The following ICAM5 variants were observed in gnomAD, a reference collection of about 807,000 sequenced individuals.
ICAM5 encodes intercellular adhesion molecule 5, also known as ICAM-5.
Under a neutral mutation model 78.8 loss-of-function variants are expected in ICAM5, and 38 were observed. The observed-to-expected ratio is 0.48, with a 90% confidence interval of 0.37 to 0.63. The LOEUF (loss-of-function observed/expected upper bound fraction) is 0.63, where lower values mean the gene tolerates loss of function less well. Ranked by LOEUF, ICAM5 falls within the 30% of genes least tolerant of loss-of-function variation. The pLI, the probability that ICAM5 is intolerant of heterozygous loss-of-function variation, is 0.00. For synonymous variants in ICAM5, 544 were observed against 590.9 expected, an observed-to-expected ratio of 0.92 and a Z score of 1.15; for missense variants, 1,059 against 1,303.0, an observed-to-expected ratio of 0.81 and a Z score of 2.88.
chr19:10,296,227 C>G, intron 10 of ICAM5, 112 bp from the exon 11 acceptor site: 2 of 1,069,972 alleles, frequency 1.9e-6, no homozygotes, highest in Non-Finnish European at 1.2e-6. Context: ...CAAGGCCAGA[C>G]AGTGAGCTCC....
In ICAM5 at chr19:10,292,985, G is replaced by A. The variant is rs765871959; in HGVS notation, c.1217-13G>A. 7.4e-6 allele frequency: 12 copies of A among 1,610,834 alleles called. No homozygotes were observed. In the African/African-American group the frequency reaches 1.6e-4, roughly 22 times the overall value. ...TACGTCTAAGCCTCTGTAACCCCAC[G>A]CCCTGCCCGCAGACGCTCCCCGGCT... is the stretch of plus-strand genomic sequence containing the variant. On this transcript the variant is annotated splice_polypyrimidine_tract_variant and intron_variant, in intron 5 of 10. Coordinates refer to ENST00000221980, the MANE Select transcript of ICAM5 (RefSeq NM_003259.4).
At position 10,289,960 on chromosome 19, in the gene ICAM5, C is replaced by T; in HGVS notation, c.-84C>T. On this transcript the variant is annotated 5_prime_UTR_variant, in exon 1 of 11. Transcript: ENST00000221980. ...GCAACTCTGCCTCCCCCACACCCCACCCGCCGCGCCGCGCGGAGCCGTCCT... is the reference window on the plus strand; with the variant it reads ...GCAACTCTGCCTCCCCCACACCCCATCCGCCGCGCCGCGCGGAGCCGTCCT... The T allele has an allele frequency of 8.6e-7, 1 of 1,158,324 alleles. No individual in the cohort carries two copies. Among genetic ancestry groups the T allele is most frequent in the Non-Finnish European group, 1.2e-6 (1 of 837,152 alleles). The allele number at this position is 1,158,324 out of a possible 1,614,324, so 71.8% of individuals were successfully genotyped here.
In ICAM5 at chr19:10,290,146, CG is replaced by C; in HGVS notation, c.82+25del. The C allele has an allele frequency of 6.7e-7, 1 of 1,489,166 alleles. No homozygotes were observed. The highest frequency in any genetic ancestry group is 9.0e-7 in the Non-Finnish European group (1 of 1,113,586). 92.2% of individuals were successfully genotyped at this position (1,489,166 alleles called of 1,614,324 possible). The stretch of plus-strand genomic sequence containing the variant: ...CTCAGGTAAGAGCCCCGCTCTGGTT[CG>C]GGGTGGACAGGGCGGGGGCGGAGTC... On this transcript the variant is annotated intron_variant, in intron 1 of 10. Coordinates refer to ENST00000221980, the MANE Select transcript of ICAM5 (RefSeq NM_003259.4). The surrounding 1 kb of genome is among the most constrained non-coding windows in gnomAD (Gnocchi z 5.7).
chr19:10,290,058 G>A lies in ICAM5; in HGVS notation c.15G>A (p.Ser5=). The A allele has an allele frequency of 4.5e-6, 7 of 1,541,714 alleles. No homozygotes were observed. Among genetic ancestry groups the A allele is most frequent in the Non-Finnish European group, 3.5e-6 (4 of 1,145,088 alleles). MPGP[S]PGLRRALLGL... is the part of the protein sequence containing the mutation. ...CCGCCGCGGCGATGCCAGGGCCTTC[G>A]CCAGGGCTGCGCCGGGCGCTACTCG... The change falls in exon 1 of 11, where the codon TCG becomes TCA. Residue 5 remains serine (S), a synonymous_variant. Transcript: ENST00000221980. This position sits in a 1 kb window ranked among gnomAD's most constrained non-coding sequence, Gnocchi z 5.7.
In ICAM5 at chr19:10,293,171, C is replaced by T; in HGVS notation, c.1390C>T (p.Leu464Phe). ...CCTGCTGGGTCCAGTCACTCGGGCG[C>T]TCTCAGGCACTTACCGCTGCAAGGC... ...LGLLGPVTRA[L>F]SGTYRCKAAN... The change falls in exon 6 of 11, where the codon CTC becomes TTC. Residue 464 changes from leucine to phenylalanine, a missense_variant. Coordinates refer to ENST00000221980, the MANE Select transcript of ICAM5 (RefSeq NM_003259.4). This position sits in a 1 kb window ranked among gnomAD's most constrained non-coding sequence, Gnocchi z 5.0. 6.2e-7 allele frequency: 1 copy of T among 1,611,232 alleles called. No homozygotes were observed. The highest frequency in any genetic ancestry group is 8.5e-7 in the Non-Finnish European group (1 of 1,179,038).
In ICAM5 at chr19:10,294,477, C is replaced by T. The variant is rs571210197; in HGVS notation, c.2067C>T (p.Ala689=). The T allele has an allele frequency of 1.4e-5, 22 of 1,607,796 alleles. No homozygotes were observed. The African/African-American group carries it at 2.0e-4, about 15-fold the overall frequency. Residue 689 remains alanine (A), a synonymous_variant, in exon 9 of 11, where the codon GCC becomes GCT. Coordinates refer to ENST00000221980, the MANE Select transcript of ICAM5 (RefSeq NM_003259.4). This position sits in a 1 kb window ranked among gnomAD's most constrained non-coding sequence, Gnocchi z 7.7. Reference sequence around the variant, plus strand: ...AAGGGGCTGAGGCTTCCGCGCTGGCCTGCGCCGCCCGGGGTCGCCCTTCCC... The same window carrying T: ...AAGGGGCTGAGGCTTCCGCGCTGGCTTGCGCCGCCCGGGGTCGCCCTTCCC... ...WLEGAEASAL[A]CAARGRPSPG...
chr19:10,294,050 G>A lies in ICAM5; in HGVS notation c.1722G>A (p.Arg574=). ...AATCCTGTTTCCCAGATGGCCCCAG[G>A]TTTGAGGAGCCGAGCTGCCCCAGCA... ...NVAVTVEYGP[R]FEEPSCPSNW... is the part of the protein sequence containing the mutation. The change falls in exon 8 of 11, where the codon AGG becomes AGA. Residue 574 remains arginine, a synonymous_variant. Coordinates refer to ENST00000221980, the MANE Select transcript of ICAM5 (RefSeq NM_003259.4). The surrounding 1 kb of genome is among the most constrained non-coding windows in gnomAD (Gnocchi z 7.7). 6.3e-7 allele frequency: 1 copy of A among 1,581,558 alleles called. No homozygotes were observed. The highest frequency in any genetic ancestry group is 8.6e-7 in the Non-Finnish European group (1 of 1,162,028).
rs1180106929 is a variant in ICAM5, at chr19:10,294,544, C to G, written c.2134C>G (p.Gln712Glu). ...CSREGIPWPE[Q>E]QRVSREDAGT... ...TCGGGAAGGCATCCCATGGCCTGAG[C>G]AGCAGCGCGTGTCCCGAGAGGACGC... The change falls in exon 9 of 11, where the codon CAG becomes GAG. Residue 712 changes from glutamine to glutamate, a missense_variant. Around this residue, in one of 3 missense-constraint regions of ICAM5, gnomAD observed 135 missense variants for 230.2 expected, o/e 0.59. Coordinates refer to ENST00000221980, the MANE Select transcript of ICAM5 (RefSeq NM_003259.4). This position sits in a 1 kb window ranked among gnomAD's most constrained non-coding sequence, Gnocchi z 7.7. 5.6e-6 allele frequency: 9 copies of G among 1,612,200 alleles called. No homozygotes were observed. The highest frequency in any genetic ancestry group is 5.9e-6 in the Non-Finnish European group (7 of 1,179,274).
chr19:10,296,293 GC>G, intron 10 of ICAM5, 45 bp from the exon 11 acceptor site: 4 of 1,223,798 alleles, frequency 3.3e-6, no homozygotes, highest in Middle Eastern at 3.2e-4. Context: ...GGTGGGAGAA[GC>G]CCCCCGGAGC....
Position 10,290,690 on chromosome 19 carries a change from C to T in ICAM5, c.83-382C>T, listed in dbSNP as rs772104660. ...TGCCGCAAACGCACTCTCCTCGTAT[C>T]CCGGCATTCTGCCAGGACCCTGAGA... On this transcript the variant is annotated intron_variant, in intron 1 of 10. Coordinates refer to ENST00000221980, the MANE Select transcript of ICAM5 (RefSeq NM_003259.4). The surrounding 1 kb of genome is among the most constrained non-coding windows in gnomAD (Gnocchi z 5.7). The T allele has an allele frequency of 4.9e-4, 152 of 308,956 alleles. No individual in the cohort carries two copies. Among genetic ancestry groups the T allele is most frequent in the Admixed American group, 9.2e-4 (20 of 21,622 alleles). 19.1% of individuals were successfully genotyped at this position (308,956 alleles called of 1,614,324 possible). A position where few individuals can be genotyped will look rare whatever the true frequency, so the allele number is the denominator to read the frequency against.
At chr19:10,291,947 A>G in intron 3 of ICAM5, 88 bp from the exon 4 acceptor site, 1 of 1,504,960 alleles carries the variant, frequency 6.6e-7, no homozygotes, top group South Asian at 1.2e-5. Context: ...TGCCTTGAGG[A>G]TGATAATACG....
Position 10,290,935 on chromosome 19 carries a change from G to T in ICAM5, c.83-137G>T. 1 of 1,173,370 alleles carries T rather than the reference G, an allele frequency of 8.5e-7. No individual in the cohort carries two copies. Among genetic ancestry groups the T allele is most frequent in the South Asian group, 1.6e-5 (1 of 62,536 alleles). 72.7% of individuals were successfully genotyped at this position (1,173,370 alleles called of 1,614,324 possible). ...TTTAAACCGGAGGCCTGGGCAGGAC[G>T]CGGGACGCCTGGGTTCTTTCCCTGG... On this transcript the variant is annotated intron_variant, in intron 1 of 10. Coordinates refer to ENST00000221980, the MANE Select transcript of ICAM5 (RefSeq NM_003259.4). This position sits in a 1 kb window ranked among gnomAD's most constrained non-coding sequence, Gnocchi z 5.7.
chr19:10,292,329 A>G lies in ICAM5; in HGVS notation c.961+7A>G, dbSNP rs1397137198. 5 of 1,583,986 alleles carry G rather than the reference A, an allele frequency of 3.2e-6. No homozygotes were observed. The Admixed American group carries it at 9.0e-5, about 28-fold the overall frequency. Reference sequence around the variant, plus strand: ...GAGAACGTGACCATCTACAGTAAGGAAGGAGGCGGGGTCTCCGCGGCTCCG... The same window carrying G: ...GAGAACGTGACCATCTACAGTAAGGGAGGAGGCGGGGTCTCCGCGGCTCCG... On this transcript the variant is annotated splice_region_variant and intron_variant, in intron 4 of 10. Coordinates refer to ENST00000221980, the MANE Select transcript of ICAM5 (RefSeq NM_003259.4).
chr19:10,296,639 G>C lies in ICAM5; in HGVS notation c.*23G>C. The C allele has an allele frequency of 3.3e-6, 4 of 1,208,522 alleles. No homozygotes were observed. The highest frequency in any genetic ancestry group is 4.1e-6 in the Non-Finnish European group (4 of 970,144). 74.9% of individuals were successfully genotyped at this position (1,208,522 alleles called of 1,614,324 possible). A position where few individuals can be genotyped will look rare whatever the true frequency, so the allele number is the denominator to read the frequency against. On this transcript the variant is annotated 3_prime_UTR_variant, in exon 11 of 11. Coordinates refer to ENST00000221980, the MANE Select transcript of ICAM5 (RefSeq NM_003259.4). The stretch of plus-strand genomic sequence containing the variant: ...TGAGCCCGCTCCCCTCTCCCCGCGG[G>C]CCGGGGGACGCCCCCCAGACTCACA...
At position 10,290,161 on chromosome 19, in the gene ICAM5, G is replaced by C; in HGVS notation, c.82+36G>C. On this transcript the variant is annotated intron_variant, in intron 1 of 10. Coordinates refer to ENST00000221980, the MANE Select transcript of ICAM5 (RefSeq NM_003259.4). The surrounding 1 kb of genome is among the most constrained non-coding windows in gnomAD (Gnocchi z 5.7). The stretch of plus-strand genomic sequence containing the variant: ...CGCTCTGGTTCGGGGTGGACAGGGC[G>C]GGGGCGGAGTCCCTGGACCTGAGAA... The C allele has an allele frequency of 2.8e-6, 4 of 1,437,246 alleles. No individual in the cohort carries two copies. The South Asian group carries it at 4.1e-5, about 15-fold the overall frequency. 89.0% of individuals were successfully genotyped at this position (1,437,246 alleles called of 1,614,324 possible). A position where few individuals can be genotyped will look rare whatever the true frequency, so the allele number is the denominator to read the frequency against.
At chr19:10,296,288 G>A in intron 10 of ICAM5, 51 bp from the exon 11 acceptor site, 1 of 1,224,116 alleles carries the variant, frequency 8.2e-7, no homozygotes, top group Non-Finnish European at 1.0e-6. Context: ...GGGGCGGTGG[G>A]AGAAGCCCCC....
At position 10,290,238 on chromosome 19, in the gene ICAM5, C is replaced by A. The variant is rs2040160023; in HGVS notation, c.82+113C>A. On this transcript the variant is annotated intron_variant, in intron 1 of 10. Transcript: ENST00000221980. The surrounding 1 kb of genome is among the most constrained non-coding windows in gnomAD (Gnocchi z 5.7). ...CCCTCGCCTCGCTCCCACGCCTCTG[C>A]CCCCACCTCGAGCCTGAGTCTTCTC... 1 of 746,492 alleles carries A rather than the reference C, an allele frequency of 1.3e-6. No individual in the cohort carries two copies. Among genetic ancestry groups the A allele is most frequent in the Non-Finnish European group, 2.1e-6 (1 of 487,694 alleles). The allele number at this position is 746,492 out of a possible 1,614,324, so 46.2% of individuals were successfully genotyped here.
At position 10,295,491 on chromosome 19, in the gene ICAM5, G is replaced by A; in HGVS notation, c.2376G>A (p.Leu792=). Residue 792 remains leucine, a synonymous_variant, in exon 10 of 11, where the codon CTG becomes CTA. Coordinates refer to ENST00000221980, the MANE Select transcript of ICAM5 (RefSeq NM_003259.4). ...CCCCGGGGGCCCTCAACATCGGCCT[G>A]TCGAGCAACAACAGCACACTGAGCG... is the stretch of plus-strand genomic sequence containing the variant. The part of the protein sequence containing the change: ...RAPPGALNIG[L]SSNNSTLSVA... 1 of 1,572,764 alleles carries A rather than the reference G, an allele frequency of 6.4e-7. No homozygotes were observed. Among genetic ancestry groups the A allele is most frequent in the Non-Finnish European group, 8.6e-7 (1 of 1,161,260 alleles).
At position 10,292,332 on chromosome 19, in the gene ICAM5, G is replaced by A. The variant is rs2040180423; in HGVS notation, c.961+10G>A. ...AACGTGACCATCTACAGTAAGGAAG[G>A]AGGCGGGGTCTCCGCGGCTCCGAGG... is the stretch of plus-strand genomic sequence containing the variant. On this transcript the variant is annotated intron_variant, in intron 4 of 10. Coordinates refer to ENST00000221980, the MANE Select transcript of ICAM5 (RefSeq NM_003259.4). 1.3e-6 allele frequency: 2 copies of A among 1,580,248 alleles called. No individual in the cohort carries two copies. Among genetic ancestry groups the A allele is most frequent in the Non-Finnish European group, 8.6e-7 (1 of 1,165,068 alleles).
Sources: allele counts gnomAD v4.1 joint callset, GRCh38; gene constraint gnomAD v4.1.1; regional missense constraint gnomAD v4.1.1; non-coding constraint Gnocchi (gnomAD v3.1); transcripts MANE v1.5; gene names NCBI Gene and HGNC (gene_info 2026-07-23, HGNC 2026-07-21).